Variants in AGBL1 observed in about 807,000 individuals in gnomAD.
AGBL1 encodes the protein cytosolic carboxypeptidase 4.
A neutral mutation model predicts 118.9 loss-of-function variants in AGBL1; 130 were observed. The ratio of observed to expected loss-of-function variants is 1.09; its 90% CI spans 0.95 to 1.26. The LOEUF (loss-of-function observed/expected upper bound fraction) is 1.26. AGBL1 is among the 50% of genes most tolerant of loss of function. The pLI, the probability that AGBL1 is intolerant of heterozygous loss-of-function variation, is 0.00. For missense variants in AGBL1, 1,584 were observed against 1,298.1 expected (o/e 1.22, Z -3.38); for synonymous variants, 555 against 478.9 (o/e 1.16, Z -2.08).
At chr15:87,009,279 T>A (rs1314880535) in intron 24 of AGBL1, among the ~76,000 whole-genome samples, 3 of 152,146 alleles carry the variant, frequency 2.0e-5, no homozygotes, top group African/African-American at 4.8e-5. Flanking sequence ...AAGGGGCCAA[T>A]GTACAGCTCG....
intron 19 of AGBL1, among the ~76,000 whole-genome samples, chr15:86,533,000 T>C (rs1596235177): frequency 1.9e-5 from 2 of 103,264 alleles, no homozygotes; most frequent in East Asian, 6.0e-4. Context: ...CCTAAAACCA[T>C]AAAAACCCTA....
chr15:86,547,694 A>G (rs2083603822), intron 20 of AGBL1, among the ~76,000 whole-genome samples: 1 of 152,198 alleles, frequency 6.6e-6, no homozygotes, highest in Admixed American at 6.6e-5. Context: ...TGCTGTTAAA[A>G]AGATTAATCC....
rs76201654 is a variant in AGBL1, at chr15:86,428,947, C to T, written c.2555+31401C>T. ...TCCTGATTCCATGGTGTGTCCCTGA[C>T]GAGGTGGTGTCTTTGGGACCAGTGC... is the stretch of plus-strand genomic sequence containing the variant. On this transcript the variant is annotated intron_variant, in intron 18 of 22. Coordinates refer to ENST00000614907, the MANE Select transcript of AGBL1 (RefSeq NM_001386094.1). Among the ~76,000 whole-genome samples the T allele has an allele frequency of 4.9e-3, 742 of 152,278 alleles. 20 individuals are homozygous for T. In the East Asian group the frequency reaches 0.063, roughly 13 times the overall value.
intron 18 of AGBL1, among the ~76,000 whole-genome samples, chr15:86,407,738 T>C (rs1309224286): frequency 6.6e-6 from 1 of 152,158 alleles, no homozygotes; most frequent in Non-Finnish European, 1.5e-5. Context: ...TGGGGAGCCT[T>C]GTTTTATGTC....
chr15:86,503,517 G>T (rs2082940078), intron 18 of AGBL1, among the ~76,000 whole-genome samples: 1 of 150,834 alleles, frequency 6.6e-6, no homozygotes, highest in Admixed American at 6.6e-5. Flanking sequence ...TAAAAGGCTA[G>T]ATTATTGATT....
chr15:86,136,262 T>A (rs1007420832), intron 1 of AGBL1, among the ~76,000 whole-genome samples: 19 of 152,200 alleles, frequency 1.2e-4, no homozygotes, highest in African/African-American at 4.1e-4. Context: ...ACCCCCACAA[T>A]AGACAGTGAG....
At chr15:86,571,845 A>C (rs535410954) in intron 21 of AGBL1, among the ~76,000 whole-genome samples, 119 of 152,198 alleles carry the variant, frequency 7.8e-4, no homozygotes, top group African/African-American at 2.8e-3. Context: ...CCCTGGCTTA[A>C]AGGTGGGGCT....
chr15:86,352,481 C>CT (rs543883282), intron 17 of AGBL1, among the ~76,000 whole-genome samples: 217 of 143,258 alleles, frequency 1.5e-3, no homozygotes, highest in African/African-American at 2.6e-3. Context: ...TTTTCCTTTA[C>CT]TTTTTTTTTT....
chr15:86,229,429 C>T (rs1396636435), intron 6 of AGBL1, among the ~76,000 whole-genome samples: 1 of 152,160 alleles, frequency 6.6e-6, no homozygotes, highest in Non-Finnish European at 1.5e-5. Flanking sequence ...AACTCACTCA[C>T]TATCAGGAGA....
At chr15:86,413,717 GTTAT>G (rs1378847406) in intron 18 of AGBL1, among the ~76,000 whole-genome samples, 2 of 152,060 alleles carry the variant, frequency 1.3e-5, no homozygotes, top group South Asian at 2.1e-4. Context: ...TTTTAATGGG[GTTAT>G]TTATTTATTT....
chr15:86,795,864 G>C (rs973509048), intron 22 of AGBL1, among the ~76,000 whole-genome samples: 1 of 151,416 alleles, frequency 6.6e-6, no homozygotes, highest in African/African-American at 2.4e-5. Context: ...GGGATTACAG[G>C]CGTGAGCCAT....
chr15:86,532,146 A>G (rs1262115604), intron 19 of AGBL1, among the ~76,000 whole-genome samples: 1 of 149,964 alleles, frequency 6.7e-6, no homozygotes, highest in African/African-American at 2.5e-5. Context: ...GGGGTATTCA[A>G]TTAGGAAAAG....
At chr15:86,478,010 G>A (rs547901805) in intron 18 of AGBL1, among the ~76,000 whole-genome samples, 1 of 152,154 alleles carries the variant, frequency 6.6e-6, no homozygotes, top group South Asian at 2.1e-4. Context: ...GATGCAAAAA[G>A]GCCTTTGACA....
At chr15:86,523,994 C>T (rs746262379) in intron 19 of AGBL1, among the ~76,000 whole-genome samples, 5 of 152,168 alleles carry the variant, frequency 3.3e-5, no homozygotes, top group Non-Finnish European at 5.9e-5. Context: ...AGCTCACATA[C>T]GGGCCAAATC....
At chr15:86,974,577 AAT>A (rs887875612) in intron 23 of AGBL1, among the ~76,000 whole-genome samples, 3 of 139,264 alleles carry the variant, frequency 2.2e-5, no homozygotes, top group African/African-American at 8.4e-5. Flanking sequence ...ATATATATTA[AAT>A]ATATAAAAAT....
intron 17 of AGBL1, among the ~76,000 whole-genome samples, chr15:86,347,402 C>T (rs2080554866): frequency 6.6e-6 from 1 of 152,180 alleles, no homozygotes; most frequent in Non-Finnish European, 1.5e-5. Flanking sequence ...CCTGTAACAA[C>T]AGGGTTACGT....
At chr15:86,853,628 A>G (rs2079437849) in intron 22 of AGBL1, among the ~76,000 whole-genome samples, 1 of 152,220 alleles carries the variant, frequency 6.6e-6, no homozygotes. Context: ...TCAGAGCTGT[A>G]TTGAAATACA....
intron 19 of AGBL1, among the ~76,000 whole-genome samples, chr15:86,543,107 TTC>T (rs1217795262): frequency 6.6e-6 from 1 of 152,220 alleles, no homozygotes; most frequent in Non-Finnish European, 1.5e-5. Context: ...CTTTTCTGCT[TTC>T]TCTTTTATTC....
At chr15:86,776,315 G>A (rs1416163215) in intron 22 of AGBL1, among the ~76,000 whole-genome samples, 4 of 152,016 alleles carry the variant, frequency 2.6e-5, no homozygotes, top group Non-Finnish European at 4.4e-5. Context: ...CTTCCTCATC[G>A]TAACTTGGTG....
Sources: gnomAD v4.1 joint callset for allele counts (sites outside exome capture counted in the v4.1 genomes callset) on GRCh38, gnomAD v4.1.1 for gene constraint, MANE v1.5 for transcripts, NCBI Gene and HGNC (gene_info 2026-07-23, HGNC 2026-07-21) for gene names.